MRTFB: variants seen among roughly 807,000 people sequenced by gnomAD.
MRTFB encodes myocardin related transcription factor B, also known as myocardin-related transcription factor B.
MRTFB carries 29 observed loss-of-function variants against 104.2 expected under a neutral mutation model. That is an observed-to-expected ratio of 0.28 (90% confidence interval 0.21 to 0.38). MRTFB has a LOEUF of 0.38. Ranked by LOEUF, MRTFB falls within the 10% of genes least tolerant of loss-of-function variation. The pLI, the probability that MRTFB is intolerant of heterozygous loss-of-function variation, is 1.00. For missense variants in MRTFB, 1,270 were observed against 1,341.6 expected, an observed-to-expected ratio of 0.95 and a Z score of 0.83; for synonymous variants, 535 against 519.5, an observed-to-expected ratio of 1.03 and a Z score of -0.41.
At chr16:14,045,510 C>T in the MRTFB span, among the ~76,000 whole-genome samples, 1 of 152,178 alleles carries the variant, frequency 6.6e-6, no homozygotes, top group African/African-American at 2.4e-5. Flanking sequence ...ATTCGAAAAC[C>T]TTACCTGTTA....
chr16:14,248,868 T>C, intron 12 of MRTFB, 58 bp from the exon 13 acceptor site: 3 of 1,584,808 alleles, frequency 1.9e-6, no homozygotes, highest in Admixed American at 3.4e-5. Context: ...ACCTAAGTTC[T>C]GATTTCTAAC....
chr16:13,999,320 TG>T, the MRTFB span, among the ~76,000 whole-genome samples: 26 of 152,130 alleles, frequency 1.7e-4, no homozygotes, highest in Non-Finnish European at 3.4e-4. Context: ...TCTTTCCTTT[TG>T]GGGACAATGC....
At chr16:14,092,664 C>A (rs1460947929) in intron 2 of MRTFB, 1 of 152,074 alleles carries the variant, frequency 6.6e-6, no homozygotes, top group Non-Finnish European at 1.5e-5. Context: ...AAGACAGATT[C>A]TATTTCCTTT....
At chr16:14,208,205 T>G (rs1290559439) in intron 3 of MRTFB, among the ~76,000 whole-genome samples, 1 of 152,354 alleles carries the variant, frequency 6.6e-6, no homozygotes, top group African/African-American at 2.4e-5. Flanking sequence ...CTGACAGGAC[T>G]GCTGTCCTGG....
intron 10 of MRTFB, among the ~76,000 whole-genome samples, chr16:14,244,448 T>C (rs540270071): frequency 1.3e-5 from 2 of 152,326 alleles, no homozygotes; most frequent in South Asian, 4.1e-4. Flanking sequence ...TGTTTTCCTT[T>C]AGTACTACGA....
chr16:14,260,069 C>T (rs79911666), intron 16 of MRTFB, among the ~76,000 whole-genome samples: 2,972 of 152,140 alleles, frequency 0.02, 110 homozygotes, highest in African/African-American at 0.068. Context: ...GTTTAGTGAA[C>T]GCCAGTATTT....
the MRTFB span, among the ~76,000 whole-genome samples, chr16:14,065,358 G>C: frequency 6.6e-6 from 1 of 152,136 alleles, no homozygotes; most frequent in South Asian, 2.1e-4. Flanking sequence ...GAGATTTGGG[G>C]CTGAGACTAA....
chr16:14,125,890 A>G (rs2037083625), intron 2 of MRTFB, among the ~76,000 whole-genome samples: 1 of 152,222 alleles, frequency 6.6e-6, no homozygotes, highest in Non-Finnish European at 1.5e-5. Flanking sequence ...GAGTTTGCGG[A>G]ACACAGAAAC....
At chr16:14,088,660 G>T (rs1160991360) in intron 2 of MRTFB, among the ~76,000 whole-genome samples, 5 of 152,150 alleles carry the variant, frequency 3.3e-5, no homozygotes, top group African/African-American at 1.2e-4. Context: ...GTTCAATACA[G>T]CAGAGACTTG....
At chr16:14,235,418 A>G (rs1325876613) in intron 9 of MRTFB, among the ~76,000 whole-genome samples, 1 of 152,228 alleles carries the variant, frequency 6.6e-6, no homozygotes, top group African/African-American at 2.4e-5. Flanking sequence ...CCGACGGCAC[A>G]GAGGGTCTGC....
chr16:14,213,703 T>C lies in MRTFB; in HGVS notation c.352+83T>C. The C allele has an allele frequency of 1.9e-6, 2 of 1,079,396 alleles. 1 individual carries two copies. The highest frequency in any genetic ancestry group is 3.1e-5 in the South Asian group (2 of 65,310). 66.9% of individuals were successfully genotyped at this position (1,079,396 alleles called of 1,614,324 possible). On this transcript the variant is annotated intron_variant, in intron 6 of 16. Transcript: ENST00000571589. The stretch of plus-strand genomic sequence containing the variant: ...TTCCACCATTTCTGTTTATTCCCAT[T>C]TTAATAACTTTTTAACCCACAGCCT...
At chr16:13,999,556 G>A in the MRTFB span, among the ~76,000 whole-genome samples, 89 of 151,770 alleles carry the variant, frequency 5.9e-4, 1 homozygote, top group East Asian at 0.015. Flanking sequence ...TTGCATGGGA[G>A]CCATCAGTAT....
rs1366525109 is a variant in MRTFB, at chr16:14,177,153, T to C, written c.155-33090T>C. ...GCATAGGGAACATGTAGGGAGTTAA[T>C]AACGCCGGTCAGGAAGGTGGGAGAC... On this transcript the variant is annotated intron_variant, in intron 3 of 16. Coordinates refer to ENST00000571589, the MANE Select transcript of MRTFB (RefSeq NM_001308142.2). The surrounding 1 kb of genome is among the most constrained non-coding windows in gnomAD (Gnocchi z 4.7). Among the ~76,000 whole-genome samples the C allele has an allele frequency of 6.6e-6, 1 of 152,186 alleles. No individual in the cohort carries two copies. Among genetic ancestry groups the C allele is most frequent in the Non-Finnish European group, 1.5e-5 (1 of 68,026 alleles).
intron 2 of MRTFB, among the ~76,000 whole-genome samples, chr16:14,118,249 G>A (rs951171952): frequency 1.1e-4 from 17 of 149,828 alleles, no homozygotes; most frequent in Non-Finnish European, 2.4e-4. Context: ...TCATCCTCCC[G>A]CCTCAGTCTC....
intron 12 of MRTFB, 64 bp downstream of exon 12, chr16:14,247,571 G>C: frequency 6.9e-7 from 1 of 1,441,536 alleles, no homozygotes; most frequent in South Asian, 1.3e-5. Context: ...CCCTGCTAAG[G>C]AAGGCACCAT....
chr16:14,017,298 C>T, the MRTFB span, among the ~76,000 whole-genome samples: 13 of 151,500 alleles, frequency 8.6e-5, no homozygotes, highest in Non-Finnish European at 1.3e-4. Context: ...CCTTGTGATC[C>T]GCCCCCCTCG....
chr16:14,226,494 A>T (rs528031112), intron 8 of MRTFB, among the ~76,000 whole-genome samples: 1 of 152,310 alleles, frequency 6.6e-6, no homozygotes, highest in Admixed American at 6.5e-5. Flanking sequence ...AAAAAGAATG[A>T]AGTTGGACCT....
chr16:14,099,456 ACCTCCGCCT>A (rs1351116560), intron 2 of MRTFB, among the ~76,000 whole-genome samples: 2 of 148,858 alleles, frequency 1.3e-5, no homozygotes, highest in African/African-American at 5.0e-5. Context: ...GCTCACTGCA[ACCTCCGCCT>A]CCTTGGCTCA....
chr16:14,242,526 A>G (rs1300963346), intron 10 of MRTFB, among the ~76,000 whole-genome samples: 1 of 152,180 alleles, frequency 6.6e-6, no homozygotes, highest in African/African-American at 2.4e-5. Context: ...ATTACAAGAA[A>G]CTGAATGTGG....
Sources: gnomAD v4.1 joint callset for allele counts (sites outside exome capture counted in the v4.1 genomes callset) on GRCh38, gnomAD v4.1.1 for gene constraint, Gnocchi (gnomAD v3.1) non-coding constraint, MANE v1.5 for transcripts, NCBI Gene and HGNC (gene_info 2026-07-23, HGNC 2026-07-21) for gene names.